IL1RL1: variants seen among roughly 807,000 people sequenced by gnomAD.
IL1RL1 encodes interleukin-1 receptor-like 1.
Under a neutral mutation model 50.9 loss-of-function variants are expected in IL1RL1, and 32 were observed. That is an observed-to-expected ratio of 0.63 (90% CI 0.47 to 0.84). IL1RL1 has a LOEUF of 0.84. IL1RL1 is among the 40% of genes least tolerant of loss of function. IL1RL1 has a pLI of 0.00. For synonymous variants in IL1RL1, 275 were observed against 236.0 expected (o/e 1.17, Z -1.51); for missense variants, 773 against 662.9 (o/e 1.17, Z -1.82).
In IL1RL1 at chr2:102,341,136, T is replaced by C. The variant is rs1677544243; in HGVS notation, c.610+308T>C. The C allele has an allele frequency of 4.9e-6, 5 of 1,014,654 alleles. No homozygotes were observed. In the South Asian group the frequency reaches 1.6e-4, roughly 32 times the overall value. 62.9% of individuals were successfully genotyped at this position (1,014,654 alleles called of 1,614,324 possible). ...GCTAACTTAACTTACTTTTTTTGAA[T>C]GGCAATACAACTATTTGGAGAGCAA... On this transcript the variant is annotated intron_variant, in intron 5 of 10. Coordinates refer to ENST00000233954, the MANE Select transcript of IL1RL1 (RefSeq NM_016232.5).
At chr2:102,350,920 G>A (rs1559608916) in intron 10 of IL1RL1, among the ~76,000 whole-genome samples, 2 of 152,168 alleles carry the variant, frequency 1.3e-5, no homozygotes, top group East Asian at 3.8e-4. Context: ...TGTTCTTTCT[G>A]AGTCCACCCA....
chr2:102,334,106 A>C (rs567601380), intron 1 of IL1RL1, among the ~76,000 whole-genome samples: 1 of 152,258 alleles, frequency 6.6e-6, no homozygotes, highest in South Asian at 2.1e-4. Context: ...AAAAGTAGTG[A>C]GATTTCTGGG....
At chr2:102,312,988 C>T (rs1211850251) in intron 1 of IL1RL1, 1 of 152,010 alleles carries the variant, frequency 6.6e-6, no homozygotes, top group African/African-American at 2.4e-5. Context: ...TATTCACATG[C>T]CATTGTTCCT....
chr2:102,318,416 A>T (rs545401360), intron 1 of IL1RL1, among the ~76,000 whole-genome samples: 3 of 148,318 alleles, frequency 2.0e-5, no homozygotes, highest in Non-Finnish European at 2.9e-5. Context: ...TGAAGTTGCC[A>T]TCAACCAAGA....
In IL1RL1 at chr2:102,326,479, T is replaced by G. The variant is rs13005688; in HGVS notation, c.-149-11637T>G. On this transcript the variant is annotated intron_variant, in intron 1 of 10. Coordinates refer to ENST00000233954, the MANE Select transcript of IL1RL1 (RefSeq NM_016232.5). ...AAATAAATAGCAAACATCATAATGATAGGATCAAATTCACACATAACAATA... is the reference window on the plus strand; with the variant it reads ...AAATAAATAGCAAACATCATAATGAGAGGATCAAATTCACACATAACAATA... Among the ~76,000 whole-genome samples, 8 of 151,544 alleles carry G rather than the reference T, an allele frequency of 5.3e-5. 1 individual carries two copies. Among genetic ancestry groups the G allele is most frequent in the Middle Eastern group, 6.8e-3 (2 of 294 alleles).
In IL1RL1 at chr2:102,347,938, T is replaced by G. The variant is rs771614421; in HGVS notation, c.971-7T>G. 13 of 1,457,188 alleles carry G rather than the reference T, an allele frequency of 8.9e-6. No individual in the cohort carries two copies. The allele number at this position is 1,457,188 out of a possible 1,614,324, so 90.3% of individuals were successfully genotyped here. On this transcript the variant is annotated splice_region_variant and splice_polypyrimidine_tract_variant and intron_variant, in intron 8 of 10. Coordinates refer to ENST00000233954, the MANE Select transcript of IL1RL1 (RefSeq NM_016232.5). ...GTAATAATAATCTTTTTCTTTCTTT[T>G]GAATAGTTGATCATCATAGCATCTA...
chr2:102,341,337 C>A, intron 5 of IL1RL1: 3 of 1,233,548 alleles, frequency 2.4e-6, no homozygotes, highest in South Asian at 2.9e-5. Flanking sequence ...GCAATACTTT[C>A]AACATCATCA....
At chr2:102,335,524 A>G (rs1677297010) in intron 1 of IL1RL1, among the ~76,000 whole-genome samples, 1 of 152,232 alleles carries the variant, frequency 6.6e-6, no homozygotes, top group African/African-American at 2.4e-5. Flanking sequence ...GATGTTAATG[A>G]TAAGTACCAC....
intron 5 of IL1RL1, chr2:102,341,376 A>G (rs751369487): frequency 1.3e-4 from 146 of 1,150,424 alleles, no homozygotes; most frequent in Non-Finnish European, 1.6e-4. Flanking sequence ...CTTCATTCTA[A>G]AAATGTGTTT....
intron 1 of IL1RL1, among the ~76,000 whole-genome samples, chr2:102,325,371 C>T (rs1676966363): frequency 2.0e-5 from 3 of 152,040 alleles, no homozygotes; most frequent in Admixed American, 2.0e-4. Flanking sequence ...TCATCAAAGA[C>T]CAAAGGTAGA....
At chr2:102,339,078 A>T (rs1677444961) in intron 3 of IL1RL1, 31 bp downstream of exon 3, 3 of 1,503,666 alleles carry the variant, frequency 2.0e-6, no homozygotes. Flanking sequence ...ATCTTCTTTC[A>T]CCCTGCTCCC....
rs376279073 is a variant in IL1RL1 at position 102,338,317 on chromosome 2, C to T, written c.53C>T (p.Ala18Val). 6.3e-7 allele frequency: 1 copy of T among 1,586,602 alleles called. No individual in the cohort carries two copies. The highest frequency in any genetic ancestry group is 1.1e-5 in the South Asian group (1 of 89,348). Residue 18 changes from alanine (A) to valine (V), a missense_variant, in exon 2 of 11, where the codon GCA (alanine) becomes GTA (valine). Transcript: ENST00000233954. Reference protein sequence around the residue: ...ILTILMYSTAAKFSKQSWGLE... With the variant: ...ILTILMYSTAVKFSKQSWGLE... The stretch of plus-strand genomic sequence containing the variant: ...ACAATTCTCATGTATTCCACAGCAG[C>T]AAAGTTTAGTAAGTATTGCCTTCTA...
At chr2:102,346,121 C>CT in intron 8 of IL1RL1, 2 of 913,082 alleles carry the variant, frequency 2.2e-6, no homozygotes, top group Non-Finnish European at 2.6e-6. Context: ...ATGATGAATT[C>CT]TTTTTTATTT....
intron 9 of IL1RL1, 126 bp from the exon 10 acceptor site, chr2:102,348,953 A>G: frequency 1.5e-6 from 1 of 679,392 alleles, no homozygotes; most frequent in Non-Finnish European, 2.6e-6. Context: ...TCTTGAGTCT[A>G]GAATATTTTG....
intron 1 of IL1RL1, among the ~76,000 whole-genome samples, chr2:102,330,341 G>C (rs1677138498): frequency 1.3e-5 from 2 of 149,184 alleles, no homozygotes; most frequent in South Asian, 4.6e-4. Flanking sequence ...GGCCTGTTGT[G>C]GGGTGGGGGG....
chr2:102,337,873 C>A (rs1677384857), intron 1 of IL1RL1, among the ~76,000 whole-genome samples: 1 of 151,928 alleles, frequency 6.6e-6, no homozygotes, highest in Admixed American at 6.6e-5. Context: ...TCTCATGAGA[C>A]TGGTGAAATA....
intron 1 of IL1RL1, among the ~76,000 whole-genome samples, chr2:102,327,158 T>G (rs1001617990): frequency 1.3e-5 from 2 of 152,120 alleles, no homozygotes; most frequent in Admixed American, 1.3e-4. Flanking sequence ...AACTCTCTCT[T>G]AGACCACAGT....
At chr2:102,347,424 G>T (rs1677814023) in intron 8 of IL1RL1, among the ~76,000 whole-genome samples, 1 of 152,194 alleles carries the variant, frequency 6.6e-6, no homozygotes. Context: ...AGTCTGGACA[G>T]AACCTGGCCC....
intron 1 of IL1RL1, among the ~76,000 whole-genome samples, chr2:102,320,290 C>A (rs767025140): frequency 7.2e-5 from 11 of 152,170 alleles, no homozygotes; most frequent in Non-Finnish European, 1.2e-4. Flanking sequence ...CTCACCACCT[C>A]TGCAGTGTTG....
Sources: allele counts gnomAD v4.1 joint callset (sites outside exome capture counted in the v4.1 genomes callset), GRCh38; gene constraint gnomAD v4.1.1; transcripts MANE v1.5; gene names NCBI Gene and HGNC (gene_info 2026-07-23, HGNC 2026-07-21).